RAD51B: variants seen among roughly 807,000 people sequenced by gnomAD.
The protein encoded by RAD51B is DNA repair protein RAD51 homolog 2.
A neutral mutation model predicts 42.2 loss-of-function variants in RAD51B; 38 were observed. The observed-to-expected ratio is 0.90, with a 90% CI of 0.70 to 1.18. The LOEUF (loss-of-function observed/expected upper bound fraction) is 1.18. Among genes scored for constraint, RAD51B ranks in the 50% most tolerant of loss-of-function variants. The probability of loss-of-function intolerance (pLI) is 0.00; values close to 1 mark genes in which losing one functional copy is unlikely to be tolerated. For synonymous variants in RAD51B, 154 were observed against 145.2 expected (o/e 1.06, Z -0.43); for missense variants, 373 against 400.7 (o/e 0.93, Z 0.59).
intron 7 of RAD51B, among the ~76,000 whole-genome samples, chr14:68,141,533 G>GTA (rs1384880755): frequency 2.6e-5 from 4 of 152,144 alleles, no homozygotes; most frequent in African/African-American, 9.7e-5. Context: ...CATATAGTTA[G>GTA]TATTCTGTAA....
intron 8 of RAD51B, among the ~76,000 whole-genome samples, chr14:68,336,880 T>A (rs997265553): frequency 6.6e-6 from 1 of 152,332 alleles, no homozygotes; most frequent in South Asian, 2.1e-4. Flanking sequence ...ATAATGTAGT[T>A]CTTAAAAGAT....
At chr14:68,638,847 A>T (rs540686718) in intron 10 of RAD51B, among the ~76,000 whole-genome samples, 1 of 152,216 alleles carries the variant, frequency 6.6e-6, no homozygotes, top group Non-Finnish European at 1.5e-5. Context: ...GAAGGGTTTC[A>T]TATGGAGCTG....
In RAD51B at chr14:68,607,057, G is replaced by A. The variant is rs113721225; in HGVS notation, c.1037-3949G>A. Among the ~76,000 whole-genome samples the A allele has an allele frequency of 1.2e-4, 18 of 152,234 alleles. 1 individual carries two copies. The highest frequency in any genetic ancestry group is 3.6e-4 in the African/African-American group (15 of 41,546). ...AAAGTGTCACATGTAAAAACAAGGC[G>A]CCGTAATTTAAGTCCAGCCTCACAC... On this transcript the variant is annotated intron_variant, in intron 10 of 10. Transcript: ENST00000487861.
chr14:68,320,468 T>C (rs1268447420), intron 8 of RAD51B, among the ~76,000 whole-genome samples: 2 of 152,248 alleles, frequency 1.3e-5, no homozygotes, highest in East Asian at 1.9e-4. Flanking sequence ...AGCTTTGAGA[T>C]GAGCTTACAT....
At chr14:68,363,239 C>T (rs757909091) in intron 8 of RAD51B, among the ~76,000 whole-genome samples, 5 of 152,160 alleles carry the variant, frequency 3.3e-5, no homozygotes, top group Non-Finnish European at 5.9e-5. Context: ...GAAGCCAAAA[C>T]AAATTCTATC....
At chr14:68,673,847 A>G (rs1046408095) in intron 11 of RAD51B, among the ~76,000 whole-genome samples, 3 of 150,810 alleles carry the variant, frequency 2.0e-5, no homozygotes, top group African/African-American at 4.9e-5. Flanking sequence ...ACATATGTAC[A>G]TGCACACTCA....
intron 7 of RAD51B, among the ~76,000 whole-genome samples, chr14:68,055,380 A>C (rs571372396): frequency 1.3e-5 from 2 of 152,188 alleles, no homozygotes; most frequent in East Asian, 3.9e-4. Context: ...AAATGTTATA[A>C]GATTATATTG....
At chr14:68,497,551 T>C (rs1263799057) in intron 10 of RAD51B, 2 of 1,042,418 alleles carry the variant, frequency 1.9e-6, no homozygotes, top group Non-Finnish European at 2.3e-6. Flanking sequence ...TTATATAAGA[T>C]GAAATTAACC....
At chr14:68,182,055 T>A (rs1183729851) in intron 7 of RAD51B, among the ~76,000 whole-genome samples, 1 of 152,212 alleles carries the variant, frequency 6.6e-6, no homozygotes, top group Non-Finnish European at 1.5e-5. Flanking sequence ...GCCATGAGAA[T>A]ACAGTGGGTT....
chr14:68,490,908 G>A (rs987421072), intron 10 of RAD51B, among the ~76,000 whole-genome samples: 18 of 152,160 alleles, frequency 1.2e-4, no homozygotes, highest in Admixed American at 3.3e-4. Context: ...AGCAATGGGA[G>A]GCCTCCTCAG....
At chr14:68,223,901 A>G (rs1471809699) in intron 7 of RAD51B, among the ~76,000 whole-genome samples, 1 of 152,198 alleles carries the variant, frequency 6.6e-6, no homozygotes, top group Admixed American at 6.5e-5. Context: ...GGGAGGCTTA[A>G]CTGACAAACC....
At chr14:68,427,817 TG>T in intron 9 of RAD51B, among the ~76,000 whole-genome samples, 1 of 152,244 alleles carries the variant, frequency 6.6e-6, no homozygotes, top group Admixed American at 6.5e-5. Context: ...GACATGAATT[TG>T]GGGGGCTGGG....
In RAD51B at chr14:68,573,695, G is replaced by C. The variant is rs372714423; in HGVS notation, c.1037-20790G>C. Among the ~76,000 whole-genome samples, 101 of 152,348 alleles carry C rather than the reference G, an allele frequency of 6.6e-4. 1 individual carries two copies. The highest frequency in any genetic ancestry group is 2.1e-3 in the African/African-American group (89 of 41,574). ...CAGCACTGTGTAGGGCGCCTAGCAG[G>C]TCTTTGTTAAATGAGTGGATGAAGT... is the stretch of plus-strand genomic sequence containing the variant. On this transcript the variant is annotated intron_variant, in intron 10 of 10. Coordinates refer to the RAD51B transcript ENST00000487270.
At position 68,208,419 on chromosome 14, in the gene RAD51B, T is replaced by C. The variant is rs572984753; in HGVS notation, c.757-83465T>C. On this transcript the variant is annotated intron_variant, in intron 7 of 10. Transcript: ENST00000471583. The stretch of plus-strand genomic sequence containing the variant: ...TGGAGAGAAGTCCAAACCAAATCTT[T>C]GCCCACTTTGAAAGCCAAGATATTC... 2.0e-5 allele frequency among the ~76,000 whole-genome samples: 3 copies of C among 152,318 alleles called. No homozygotes were observed. In the East Asian group the frequency reaches 5.8e-4, roughly 29 times the overall value.
chr14:67,849,982 T>C (rs2041750935), intron 4 of RAD51B, among the ~76,000 whole-genome samples: 1 of 152,224 alleles, frequency 6.6e-6, no homozygotes, highest in South Asian at 2.1e-4. Context: ...TTCCTTCTCA[T>C]TTGTAGGTGT....
chr14:68,106,576 G>A (rs76408867), intron 7 of RAD51B, among the ~76,000 whole-genome samples: 2 of 151,846 alleles, frequency 1.3e-5, no homozygotes, highest in African/African-American at 2.4e-5. Context: ...GTTCTCCTTT[G>A]TTCTTTCCAG....
At position 68,065,382 on chromosome 14, in the gene RAD51B, C is replaced by T. The variant is rs1428771227; in HGVS notation, c.756+178178C>T. ...GGGCTGGTCAGCTGACAGCTTGGCT[C>T]AGGTGCTACTCCCCTGGGGCCATGT... On this transcript the variant is annotated intron_variant, in intron 7 of 10. Coordinates refer to ENST00000471583, the MANE Select transcript of RAD51B (RefSeq NM_133510.4). Among the ~76,000 whole-genome samples the T allele has an allele frequency of 2.6e-5, 4 of 152,152 alleles. No individual in the cohort carries two copies. The East Asian group carries it at 5.8e-4, about 22-fold the overall frequency.
intron 8 of RAD51B, among the ~76,000 whole-genome samples, chr14:68,359,200 A>G (rs751171604): frequency 6.6e-6 from 1 of 152,176 alleles, no homozygotes; most frequent in African/African-American, 2.4e-5. Flanking sequence ...AGGAGCAAGC[A>G]GACCTGTCCG....
intron 7 of RAD51B, among the ~76,000 whole-genome samples, chr14:68,052,923 G>C (rs2076417290): frequency 6.6e-6 from 1 of 151,936 alleles, no homozygotes; most frequent in Non-Finnish European, 1.5e-5. Context: ...GTGAGCCACC[G>C]TGTCCGGCCA....
Sources: gnomAD v4.1 joint callset for allele counts (sites outside exome capture counted in the v4.1 genomes callset) on GRCh38, gnomAD v4.1.1 for gene constraint, MANE v1.5 for transcripts, NCBI Gene and HGNC (gene_info 2026-07-23, HGNC 2026-07-21) for gene names.